Variants in ADGRA1 observed in about 807,000 individuals in gnomAD.
The protein encoded by ADGRA1 is adhesion G protein-coupled receptor A1, also known as G-protein coupled receptor 123.
A neutral mutation model predicts 21.3 loss-of-function variants in ADGRA1; 12 were observed. That is an observed-to-expected ratio of 0.56 (90% CI 0.36 to 0.91). The LOEUF is 0.91. Among genes scored for constraint, ADGRA1 ranks in the 40% least tolerant of loss-of-function variants. ADGRA1 has a pLI of 0.01. For synonymous variants in ADGRA1, 385 were observed against 368.8 expected, an observed-to-expected ratio of 1.04 and a Z score of -0.50; for missense variants, 790 against 805.6, an observed-to-expected ratio of 0.98 and a Z score of 0.23.
rs765625663 is a variant in ADGRA1 at position 133,128,896 on chromosome 10, G to T, written c.1068G>T (p.Ala356=). Reference sequence around the variant, plus strand: ...GACTGGGCCAGCCACGGGGCTTCGCGCACCCACCGGGCCCCTGCAAGATGA... The same window carrying T: ...GACTGGGCCAGCCACGGGGCTTCGCTCACCCACCGGGCCCCTGCAAGATGA... ...SPGLGQPRGF[A]HPPGPCKMTN... is the part of the protein sequence containing the mutation. The change falls in exon 7 of 7, where the codon GCG becomes GCT. Residue 356 remains alanine, a synonymous_variant. Coordinates refer to ENST00000392607, the MANE Select transcript of ADGRA1 (RefSeq NM_001083909.3). 1.9e-5 allele frequency: 30 copies of T among 1,557,572 alleles called. No individual in the cohort carries two copies. The highest frequency in any genetic ancestry group is 1.9e-4 in the African/African-American group (14 of 73,886).
At chr10:133,102,946 A>G in intron 5 of ADGRA1, 104 bp downstream of exon 5, 3 of 1,241,876 alleles carry the variant, frequency 2.4e-6, no homozygotes, top group Non-Finnish European at 3.3e-6. Context: ...CAGGGGCCTG[A>G]GGATGATCCG....
At position 133,129,496 on chromosome 10, in the gene ADGRA1, C is replaced by T. The variant is rs140655691; in HGVS notation, c.1668C>T (p.Asn556=). The change falls in exon 7 of 7, where the codon AAC becomes AAT. Residue 556 remains asparagine (N), a synonymous_variant. Coordinates refer to ENST00000392607, the MANE Select transcript of ADGRA1 (RefSeq NM_001083909.3). ...ACATCCGAACGGGACCCTGGAAAAA[C>T]GAAACTACTGTGTAGATGGGGGCAG... is the stretch of plus-strand genomic sequence containing the variant. ...TGNIRTGPWK[N]ETTV is the part of the protein sequence containing the mutation. 6.8e-4 allele frequency: 1,087 copies of T among 1,595,394 alleles called. 10 individuals carry two copies. In the African/African-American group the frequency reaches 0.013, roughly 19 times the overall value.
chr10:133,114,635 G>A (rs761774), intron 5 of ADGRA1, among the ~76,000 whole-genome samples: 29,307 of 152,070 alleles, frequency 0.19, 3,558 homozygotes, highest in East Asian at 0.58. Flanking sequence ...GTGACTTTCC[G>A]GAGATACTTA....
At chr10:133,116,363 C>CAA (rs1852159038) in intron 5 of ADGRA1, among the ~76,000 whole-genome samples, 2 of 151,950 alleles carry the variant, frequency 1.3e-5, no homozygotes, top group African/African-American at 2.4e-5. Context: ...TTCACTGTCC[C>CAA]TCAATCCCAA....
chr10:133,100,918 C>T (rs1261641772), intron 4 of ADGRA1, among the ~76,000 whole-genome samples: 1 of 152,188 alleles, frequency 6.6e-6, no homozygotes, highest in Non-Finnish European at 1.5e-5. Context: ...GAAGCGGAGG[C>T]AGGGGCCGCA....
chr10:133,099,238 T>TG (rs1171359557), intron 4 of ADGRA1, among the ~76,000 whole-genome samples: 1 of 148,388 alleles, frequency 6.7e-6, no homozygotes, highest in Non-Finnish European at 1.5e-5. Context: ...GAGAAAGTGC[T>TG]GGGGGGACAC....
rs1029988236 is a variant in ADGRA1, at chr10:133,110,727, G to T, written c.401+7885G>T. 2.0e-5 allele frequency among the ~76,000 whole-genome samples: 3 copies of T among 152,226 alleles called. No homozygotes were observed. In the East Asian group the frequency reaches 5.8e-4, roughly 29 times the overall value. ...TACACAAAACAAAAGCCAGTGGTCT[G>T]ATGCCCATGTCTGAACAATTAGCCT... is the stretch of plus-strand genomic sequence containing the variant. On this transcript the variant is annotated intron_variant, in intron 5 of 6. Transcript: ENST00000392607.
Position 133,130,712 on chromosome 10 carries a change from T to TCA in ADGRA1, c.*1207_*1208dup, listed in dbSNP as rs534136275. 1 of 145,022 alleles carries TCA rather than the reference T, an allele frequency of 6.9e-6. No individual in the cohort carries two copies. Among genetic ancestry groups the TCA allele is most frequent in the East Asian group, 2.0e-4 (1 of 4,948 alleles). The allele number at this position is 145,022 out of a possible 1,614,324, so 9.0% of individuals were successfully genotyped here. ...GCACACACACAAACACATGTGCATA[T>TCA]CACACACGCGCACACACCCAAACAC... On this transcript the variant is annotated 3_prime_UTR_variant, in exon 7 of 7. Coordinates refer to ENST00000392607, the MANE Select transcript of ADGRA1 (RefSeq NM_001083909.3).
chr10:133,127,778 T>A (rs182681511), intron 6 of ADGRA1, among the ~76,000 whole-genome samples: 1 of 15,784 alleles, frequency 6.3e-5, no homozygotes, highest in African/African-American at 2.3e-4. Flanking sequence ...CCCACCCAGC[T>A]CCACCTCCGC....
chr10:133,105,450 C>T (rs368739067), intron 5 of ADGRA1, among the ~76,000 whole-genome samples: 31 of 152,184 alleles, frequency 2.0e-4, no homozygotes, highest in Middle Eastern at 3.4e-3. Flanking sequence ...CCTGAGCAGC[C>T]GACGTTTTGA....
chr10:133,107,166 A>G (rs568053848), intron 5 of ADGRA1, among the ~76,000 whole-genome samples: 2 of 152,304 alleles, frequency 1.3e-5, no homozygotes, highest in Admixed American at 1.3e-4. Context: ...ACAAAACACA[A>G]CCGATTTCTG....
intron 2 of ADGRA1, among the ~76,000 whole-genome samples, chr10:133,095,205 G>A (rs1352138528): frequency 6.6e-6 from 1 of 152,160 alleles, no homozygotes; most frequent in Non-Finnish European, 1.5e-5. Context: ...GTTGCAGGAG[G>A]CAACTGACGC....
chr10:133,090,931 G>T (rs1270757328), intron 2 of ADGRA1, among the ~76,000 whole-genome samples: 1 of 152,226 alleles, frequency 6.6e-6, no homozygotes, highest in Non-Finnish European at 1.5e-5. Flanking sequence ...GTGCTCTACA[G>T]GATGGACAGT....
At position 133,121,731 on chromosome 10, in the gene ADGRA1, T is replaced by C. The variant is rs1212127886; in HGVS notation, c.402-5502T>C. ...TGTGCCAGTGTGCGTGTGAGTGTGC[T>C]TGTGTGTGTGGTGTGTGCCAGTGTG... On this transcript the variant is annotated intron_variant, in intron 5 of 6. Transcript: ENST00000392607. 2.5e-4 allele frequency among the ~76,000 whole-genome samples: 26 copies of C among 103,010 alleles called. No homozygotes were observed. The East Asian group carries it at 7.9e-3, about 31-fold the overall frequency. 67.6% of individuals were successfully genotyped at this position (103,010 alleles called of 152,430 possible). A position where few individuals can be genotyped will look rare whatever the true frequency, so the allele number is the denominator to read the frequency against.
In ADGRA1 at chr10:133,109,810, C is replaced by T. The variant is rs191745794; in HGVS notation, c.401+6968C>T. On this transcript the variant is annotated intron_variant, in intron 5 of 6. Coordinates refer to ENST00000392607, the MANE Select transcript of ADGRA1 (RefSeq NM_001083909.3). ...TATGTGTGAAATCGGCCTCCAGGCTCAGCTGGGCTGGATGTGTCGATGGAA... is the reference window on the plus strand; with the variant it reads ...TATGTGTGAAATCGGCCTCCAGGCTTAGCTGGGCTGGATGTGTCGATGGAA... Among the ~76,000 whole-genome samples the T allele has an allele frequency of 4.8e-3, 725 of 152,368 alleles. 7 individuals carry two copies. The highest frequency in any genetic ancestry group is 0.017 in the African/African-American group (702 of 41,592).
intron 3 of ADGRA1, among the ~76,000 whole-genome samples, chr10:133,098,005 G>A (rs1462702298): frequency 6.6e-6 from 1 of 152,208 alleles, no homozygotes; most frequent in Non-Finnish European, 1.5e-5. Flanking sequence ...CAACTCGGGG[G>A]GAGGCAGATA....
At chr10:133,093,031 G>A (rs748203495) in intron 2 of ADGRA1, 2 of 1,595,530 alleles carry the variant, frequency 1.3e-6, no homozygotes, top group Non-Finnish European at 1.7e-6. Flanking sequence ...CGGAGCTGCA[G>A]ACCTGGCCCC....
chr10:133,107,681 T>A (rs531982150), intron 5 of ADGRA1, among the ~76,000 whole-genome samples: 2 of 152,246 alleles, frequency 1.3e-5, no homozygotes, highest in Non-Finnish European at 2.9e-5. Flanking sequence ...CTGAGCTGTC[T>A]CGTGGGTTTT....
intron 2 of ADGRA1, among the ~76,000 whole-genome samples, chr10:133,092,464 G>A (rs769809889): frequency 4.6e-5 from 7 of 152,058 alleles, no homozygotes; most frequent in Non-Finnish European, 7.4e-5. Context: ...AAATCATAAC[G>A]CACCTTACAA....
Sources: gnomAD v4.1 joint callset for allele counts (sites outside exome capture counted in the v4.1 genomes callset) on GRCh38, gnomAD v4.1.1 for gene constraint, MANE v1.5 for transcripts, NCBI Gene and HGNC (gene_info 2026-07-23, HGNC 2026-07-21) for gene names.